RYR3: variants seen among roughly 807,000 people sequenced by gnomAD.
The protein encoded by RYR3 is ryanodine receptor 3, also known as brain ryanodine receptor-calcium release channel.
In RYR3, 207 loss-of-function variants were observed where a neutral mutation model predicts 584.3. The ratio of observed to expected loss-of-function variants is 0.35; its 90% confidence interval spans 0.32 to 0.40. The LOEUF (loss-of-function observed/expected upper bound fraction) is 0.40. Ranked by LOEUF, RYR3 falls within the 10% of genes least tolerant of loss-of-function variation. The pLI is 1.00. For synonymous variants in RYR3, 2,416 were observed against 2,248.5 expected (o/e 1.07, Z -2.11); for missense variants, 5,616 against 6,089.2 (o/e 0.92, Z 2.59).
At chr15:33,490,968 C>T (rs1253659871) in intron 2 of RYR3, among the ~76,000 whole-genome samples, 1 of 152,096 alleles carries the variant, frequency 6.6e-6, no homozygotes, top group Non-Finnish European at 1.5e-5. Flanking sequence ...TGGTGGTTCC[C>T]ATCTTGAATG....
chr15:33,537,242 C>A (rs148485629), intron 5 of RYR3, among the ~76,000 whole-genome samples: 3,054 of 149,884 alleles, frequency 0.02, 71 homozygotes, highest in Non-Finnish European at 0.024. Context: ...GATTCGCTTG[C>A]ATGATCTGTT....
chr15:33,405,349 T>C (rs1240865586), intron 1 of RYR3, among the ~76,000 whole-genome samples: 1 of 152,178 alleles, frequency 6.6e-6, no homozygotes, highest in East Asian at 1.9e-4. Flanking sequence ...CCTTATAAAC[T>C]GTCCTGTGTC....
chr15:33,785,311 A>G (rs2074636917), intron 65 of RYR3, among the ~76,000 whole-genome samples: 1 of 152,216 alleles, frequency 6.6e-6, no homozygotes, highest in African/African-American at 2.4e-5. Context: ...TGCAGGGGAC[A>G]CACTAAGGCC....
rs983368318 is a variant in RYR3 at position 33,318,634 on chromosome 15, C to T, written c.51+7538C>T. Among the ~76,000 whole-genome samples the T allele has an allele frequency of 5.3e-5, 8 of 152,230 alleles. No homozygotes were observed. In the East Asian group the frequency reaches 5.8e-4, roughly 11 times the overall value. ...ACAGGAATCTAGGTTCTGGAGATGG[C>T]GGTTCAGACTCCATCTTTATTTAGA... On this transcript the variant is annotated intron_variant, in intron 1 of 103. Coordinates refer to ENST00000634891, the MANE Select transcript of RYR3 (RefSeq NM_001036.6).
In RYR3 at chr15:33,539,509, C is replaced by G. The variant is rs1469519258; in HGVS notation, c.546+47C>G. The G allele has an allele frequency of 6.5e-6, 8 of 1,231,878 alleles. No individual in the cohort carries two copies. In the Admixed American group the frequency reaches 1.6e-4, roughly 24 times the overall value. 76.3% of individuals were successfully genotyped at this position (1,231,878 alleles called of 1,614,324 possible). ...AGTCTTCTGTTTTCAGAAATTTTTC[C>G]TTTAGGAATAGATGGCCATGAAGAA... On this transcript the variant is annotated intron_variant, in intron 6 of 103. Coordinates refer to ENST00000634891, the MANE Select transcript of RYR3 (RefSeq NM_001036.6).
At chr15:33,318,068 A>C (rs900999718) in intron 1 of RYR3, among the ~76,000 whole-genome samples, 1 of 152,240 alleles carries the variant, frequency 6.6e-6, no homozygotes, top group African/African-American at 2.4e-5. Context: ...ATTACACTCA[A>C]CATGAGCTCT....
intron 1 of RYR3, among the ~76,000 whole-genome samples, chr15:33,322,832 G>A (rs1338690897): frequency 5.3e-5 from 8 of 151,708 alleles, no homozygotes; most frequent in Non-Finnish European, 1.2e-4. Flanking sequence ...GCTTATTGCA[G>A]CTCTACAAAC....
rs575035988 is a variant in RYR3 at position 33,845,141 on chromosome 15, T to C, written c.13497+79T>C. On this transcript the variant is annotated intron_variant, in intron 93 of 103. Coordinates refer to ENST00000634891, the MANE Select transcript of RYR3 (RefSeq NM_001036.6). Reference sequence around the variant, plus strand: ...TTTTTGAGCCCAGCCAGCCCTTTGCTCTAAGACTTTGCTAGCCGTAAAGGC... The same window carrying C: ...TTTTTGAGCCCAGCCAGCCCTTTGCCCTAAGACTTTGCTAGCCGTAAAGGC... The C allele has an allele frequency of 4.8e-5, 70 of 1,470,246 alleles. No homozygotes were observed. The African/African-American group carries it at 8.6e-4, about 18-fold the overall frequency. The allele number at this position is 1,470,246 out of a possible 1,614,324, so 91.1% of individuals were successfully genotyped here.
intron 31 of RYR3, 132 bp from the exon 32 acceptor site, chr15:33,652,586 A>AC: frequency 1.1e-6 from 1 of 887,276 alleles, no homozygotes; most frequent in East Asian, 2.7e-5. Flanking sequence ...AGGAAAAAAA[A>AC]GTATTTGGGG....
At chr15:33,403,093 T>C (rs1269198814) in intron 1 of RYR3, among the ~76,000 whole-genome samples, 1 of 152,246 alleles carries the variant, frequency 6.6e-6, no homozygotes, top group East Asian at 1.9e-4. Flanking sequence ...GAGAAATGAA[T>C]GGTCAAGAGA....
In RYR3 at chr15:33,726,357, C is replaced by G. The variant is rs777291069; in HGVS notation, c.6913-29C>G. The G allele has an allele frequency of 3.7e-6, 6 of 1,611,836 alleles. No homozygotes were observed. The Admixed American group carries it at 5.0e-5, about 13-fold the overall frequency. ...AGGGAGGTGTGGGAACCTCACTTAT[C>G]TAATGTCATTCTCAACCCTATCTTC... On this transcript the variant is annotated intron_variant, in intron 45 of 103. Transcript: ENST00000634891.
chr15:33,768,683 G>C lies in RYR3; in HGVS notation c.8731G>C (p.Val2911Leu). The change falls in exon 61 of 104, where the codon GTT becomes CTT. Residue 2911 changes from valine to leucine, a missense_variant. Val to Leu is a conservative substitution (Grantham distance 32). Around this residue, in one of 9 missense-constraint regions of RYR3, gnomAD observed 1,280 missense variants for 1,426.2 expected, o/e 0.90. Transcript: ENST00000634891. ...AGLFCKLAAL[V>L]RHRISLFGSD... ...CCTGTTCTGCAAACTTGCCGCTCTC[G>C]TTAGACACAGAATTTCCCTCTTTGG... is the stretch of plus-strand genomic sequence containing the variant. The C allele has an allele frequency of 6.2e-7, 1 of 1,613,926 alleles. No individual in the cohort carries two copies. The highest frequency in any genetic ancestry group is 1.1e-5 in the South Asian group (1 of 91,070).
chr15:33,646,266 C>T, intron 28 of RYR3, 85 bp from the exon 29 acceptor site: 1 of 1,195,184 alleles, frequency 8.4e-7, no homozygotes, highest in Non-Finnish European at 1.2e-6. Context: ...AATGCCTTGC[C>T]ATGTGCATGT....
rs1387250351 is a variant in RYR3, at chr15:33,390,869, C to G, written c.51+79773C>G. On this transcript the variant is annotated intron_variant, in intron 1 of 103. Coordinates refer to ENST00000634891, the MANE Select transcript of RYR3 (RefSeq NM_001036.6). This position sits in a 1 kb window ranked among gnomAD's most constrained non-coding sequence, Gnocchi z 4.2. ...GACATTGCACACAGTACTGTACTTT[C>G]AGTTGCTGGAGAAAGGAACATGCTC... 6.6e-6 allele frequency among the ~76,000 whole-genome samples: 1 copy of G among 152,182 alleles called. No homozygotes were observed. Among genetic ancestry groups the G allele is most frequent in the African/African-American group, 2.4e-5 (1 of 41,434 alleles).
Position 33,772,049 on chromosome 15 carries a change from G to A in RYR3, c.8946G>A (p.Gln2982=). ...KLGKFTHSRT[Q]IKGVSQNINY... is the part of the protein sequence containing the mutation. Reference sequence around the variant, plus strand: ...GGAAGTTCACCCATTCCCGAACGCAGATTAAAGGCGTTTCTCAGAATATTA... The same window carrying A: ...GGAAGTTCACCCATTCCCGAACGCAAATTAAAGGCGTTTCTCAGAATATTA... Residue 2982 remains glutamine, a synonymous_variant, in exon 63 of 104, where the codon CAG becomes CAA. Coordinates refer to ENST00000634891, the MANE Select transcript of RYR3 (RefSeq NM_001036.6). The A allele has an allele frequency of 1.2e-6, 2 of 1,613,740 alleles. No individual in the cohort carries two copies. The highest frequency in any genetic ancestry group is 1.1e-5 in the South Asian group (1 of 90,984).
chr15:33,545,859 T>C (rs1006365855), intron 8 of RYR3, among the ~76,000 whole-genome samples: 9 of 152,188 alleles, frequency 5.9e-5, no homozygotes, highest in African/African-American at 2.2e-4. Flanking sequence ...TTTCAGTCCC[T>C]GTAAATCCTG....
intron 64 of RYR3, among the ~76,000 whole-genome samples, chr15:33,775,860 T>A (rs2152894474): frequency 6.6e-6 from 1 of 152,320 alleles, no homozygotes; most frequent in Non-Finnish European, 1.5e-5. Context: ...TTGGCCCCCT[T>A]AAAACCCCTA....
intron 1 of RYR3, among the ~76,000 whole-genome samples, chr15:33,411,029 C>G (rs1017391519): frequency 2.0e-5 from 3 of 152,176 alleles, no homozygotes; most frequent in African/African-American, 7.2e-5. Flanking sequence ...ATTATCTCCA[C>G]CTGGCTCTGC....
chr15:33,707,245 G>A (rs1248885826), intron 43 of RYR3, among the ~76,000 whole-genome samples, 191 bp downstream of exon 43: 3 of 152,176 alleles, frequency 2.0e-5, no homozygotes, highest in African/African-American at 4.8e-5. Context: ...GGCCAGACAA[G>A]GATAAAGAGT....
Sources: allele counts gnomAD v4.1 joint callset (sites outside exome capture counted in the v4.1 genomes callset), GRCh38; gene constraint gnomAD v4.1.1; regional missense constraint gnomAD v4.1.1; non-coding constraint Gnocchi (gnomAD v3.1); transcripts MANE v1.5; gene names NCBI Gene and HGNC (gene_info 2026-07-23, HGNC 2026-07-21).